Variants in SNX31 observed in about 807,000 individuals in gnomAD.
SNX31 encodes the protein sorting nexin-31.
SNX31 carries 58 observed loss-of-function variants against 65.4 expected under a neutral mutation model. The observed-to-expected ratio is 0.89, with a 90% CI of 0.72 to 1.10. SNX31 has a LOEUF of 1.10. Among genes scored for constraint, SNX31 ranks in the 50% least tolerant of loss-of-function variants. The probability of loss-of-function intolerance (pLI) is 0.00; values close to 1 mark genes in which losing one functional copy is unlikely to be tolerated. For synonymous variants in SNX31, 181 were observed against 190.1 expected (o/e 0.95, Z 0.39); for missense variants, 523 against 529.7 (o/e 0.99, Z 0.12).
At chr8:100,633,358 A>G (rs1818537974) in intron 3 of SNX31, among the ~76,000 whole-genome samples, 1 of 152,150 alleles carries the variant, frequency 6.6e-6, no homozygotes. Flanking sequence ...CTGTGGTTCT[A>G]TAAGACAGTC....
chr8:100,646,078 C>T (rs1158063325), intron 2 of SNX31, among the ~76,000 whole-genome samples: 2 of 152,088 alleles, frequency 1.3e-5, no homozygotes, highest in South Asian at 2.1e-4. Flanking sequence ...AAAAGACTAT[C>T]GGGGCCAAGG....
chr8:100,603,409 A>C (rs1815828707), intron 8 of SNX31, among the ~76,000 whole-genome samples: 1 of 152,086 alleles, frequency 6.6e-6, no homozygotes, highest in Admixed American at 6.5e-5. Context: ...CTTACAGCAA[A>C]GGTAATGTAA....
chr8:100,584,712 TCTTCA>T lies in SNX31; in HGVS notation c.1093-529_1093-525del, dbSNP rs200689637. 9.3e-3 allele frequency among the ~76,000 whole-genome samples: 1,412 copies of T among 151,808 alleles called. 29 individuals carry two copies. Among genetic ancestry groups the T allele is most frequent in the African/African-American group, 0.03 (1,230 of 41,422 alleles). On this transcript the variant is annotated intron_variant, in intron 11 of 13. Transcript: ENST00000311812. Reference sequence around the variant, plus strand: ...ACTGAAAAAAAAGATCAGCTGTTTTTCTTCACTTCACTTTCTTATTTTTCTTTTTC... The same window carrying T: ...ACTGAAAAAAAAGATCAGCTGTTTTTCTTCACTTTCTTATTTTTCTTTTTC...
Position 100,622,902 on chromosome 8 carries a change from T to C in SNX31, c.322-5172A>G, listed in dbSNP as rs112672541. Among the ~76,000 whole-genome samples the C allele has an allele frequency of 0.016, 2,483 of 151,988 alleles. 68 individuals carry two copies. The highest frequency in any genetic ancestry group is 0.057 in the African/African-American group (2,346 of 41,448). On this transcript the variant is annotated intron_variant, in intron 4 of 13. Transcript: ENST00000311812. The surrounding 1 kb of genome is among the most constrained non-coding windows in gnomAD (Gnocchi z 5.0). ...TAAAGAACCTGCACATCAAGGGAGGTAAGAGGTTAAAGCGCCACCCAACCT... is the reference window on the plus strand; with the variant it reads ...TAAAGAACCTGCACATCAAGGGAGGCAAGAGGTTAAAGCGCCACCCAACCT...
At chr8:100,658,516 G>C (rs1364505149) in intron 1 of SNX31, among the ~76,000 whole-genome samples, 1 of 152,222 alleles carries the variant, frequency 6.6e-6, no homozygotes, top group East Asian at 1.9e-4. Flanking sequence ...TACTTCCCAT[G>C]TGTCAGACAC....
upstream of SNX31, among the ~76,000 whole-genome samples, chr8:100,651,889 C>T (rs1819980741): frequency 6.6e-6 from 1 of 152,210 alleles, no homozygotes; most frequent in Admixed American, 6.5e-5. Flanking sequence ...AAGTGATCTG[C>T]CTCTAGAGCC....
intron 4 of SNX31, chr8:100,618,212 G>A: frequency 7.0e-7 from 1 of 1,430,926 alleles, no homozygotes; most frequent in Non-Finnish European, 9.2e-7. Flanking sequence ...TATAGTGGAG[G>A]CAAGGCAAAG....
chr8:100,635,062 C>G (rs902924782), intron 3 of SNX31, among the ~76,000 whole-genome samples: 17 of 151,866 alleles, frequency 1.1e-4, no homozygotes, highest in African/African-American at 3.6e-4. Flanking sequence ...AAGATCCTGT[C>G]TCAAAAAATA....
chr8:100,647,460 C>T (rs181175966), intron 2 of SNX31, among the ~76,000 whole-genome samples: 116 of 152,226 alleles, frequency 7.6e-4, no homozygotes, highest in African/African-American at 2.7e-3. Context: ...GGATTTGGTT[C>T]ATCTGAGTTT....
intron 8 of SNX31, among the ~76,000 whole-genome samples, chr8:100,603,393 A>G (rs954589510): frequency 1.3e-5 from 2 of 152,114 alleles, no homozygotes; most frequent in Non-Finnish European, 2.9e-5. Context: ...ACAGAGATGC[A>G]GATGTCTTAC....
At chr8:100,663,061 TA>T (rs1398073645) in intron 1 of SNX31, 1 of 151,998 alleles carries the variant, frequency 6.6e-6, no homozygotes, top group African/African-American at 2.4e-5. Context: ...AGATGGGAGG[TA>T]AACATCAGGT....
chr8:100,591,598 G>A (rs1418057010), intron 10 of SNX31, among the ~76,000 whole-genome samples: 2 of 152,124 alleles, frequency 1.3e-5, no homozygotes, highest in Non-Finnish European at 2.9e-5. Flanking sequence ...CTTTGGGAAG[G>A]TGAGGCAGAT....
At chr8:100,653,275 G>T (rs1410617280), upstream of SNX31, among the ~76,000 whole-genome samples, 2 of 152,200 alleles carry the variant, frequency 1.3e-5, no homozygotes, top group Non-Finnish European at 2.9e-5. Context: ...AATCACACCA[G>T]TGGTTCTAAA....
rs1812965556 is a variant in SNX31 at position 100,575,396 on chromosome 8, CA to C, written c.1228-1437del. The stretch of plus-strand genomic sequence containing the variant: ...TTCATGGCTCAGGATAAGGTCTATA[CA>C]ACAGTTTGCAAAATAAATTAAAACT... On this transcript the variant is annotated intron_variant, in intron 13 of 13. Transcript: ENST00000311812. This position sits in a 1 kb window ranked among gnomAD's most constrained non-coding sequence, Gnocchi z 5.1. 6.6e-6 allele frequency among the ~76,000 whole-genome samples: 1 copy of C among 152,192 alleles called. No individual in the cohort carries two copies.
chr8:100,655,383 G>A (rs1187661517), intron 1 of SNX31, among the ~76,000 whole-genome samples: 1 of 152,194 alleles, frequency 6.6e-6, no homozygotes, highest in African/African-American at 2.4e-5. Context: ...ATCTTGAATT[G>A]TAGCTCCCAT....
chr8:100,634,379 G>C (rs1818605481), intron 3 of SNX31, among the ~76,000 whole-genome samples: 1 of 149,062 alleles, frequency 6.7e-6, no homozygotes, highest in African/African-American at 2.5e-5. Context: ...TCATCCTTTT[G>C]TTCATTCCTA....
intron 4 of SNX31, among the ~76,000 whole-genome samples, chr8:100,627,480 C>T (rs1203137579): frequency 6.6e-6 from 1 of 152,174 alleles, no homozygotes; most frequent in Non-Finnish European, 1.5e-5. Flanking sequence ...AGTCAACTTA[C>T]GATTACATGT....
intron 4 of SNX31, among the ~76,000 whole-genome samples, chr8:100,624,957 AC>A (rs1274075920): frequency 1.3e-5 from 2 of 151,656 alleles, no homozygotes; most frequent in Non-Finnish European, 2.9e-5. Flanking sequence ...ACGTGCCACT[AC>A]CCCCATCTAA....
chr8:100,633,188 C>T (rs748175815), intron 3 of SNX31, among the ~76,000 whole-genome samples: 2 of 152,116 alleles, frequency 1.3e-5, no homozygotes, highest in African/African-American at 4.8e-5. Context: ...CTTAACCTCC[C>T]AAAGTGCTGG....
Sources: gnomAD v4.1 joint callset for allele counts (sites outside exome capture counted in the v4.1 genomes callset) on GRCh38, gnomAD v4.1.1 for gene constraint, Gnocchi (gnomAD v3.1) non-coding constraint, MANE v1.5 for transcripts, NCBI Gene and HGNC (gene_info 2026-07-23, HGNC 2026-07-21) for gene names.